GPBP1: variants seen among roughly 807,000 people sequenced by gnomAD.
The protein encoded by GPBP1 is vasculin.
GPBP1 carries 13 observed loss-of-function variants against 56.5 expected under a neutral mutation model. That is an observed-to-expected ratio of 0.23 (90% CI 0.15 to 0.37). GPBP1 has a LOEUF of 0.37. Ranked by LOEUF, GPBP1 falls within the 10% of genes least tolerant of loss-of-function variation. The probability of loss-of-function intolerance (pLI) is 1.00; values close to 1 mark genes in which losing one functional copy is unlikely to be tolerated. For synonymous variants in GPBP1, 204 were observed against 188.9 expected, an observed-to-expected ratio of 1.08 and a Z score of -0.66; for missense variants, 477 against 572.3, an observed-to-expected ratio of 0.83 and a Z score of 1.70.
At chr5:57,231,547 A>G (rs1270251265) in intron 5 of GPBP1, among the ~76,000 whole-genome samples, 1 of 152,204 alleles carries the variant, frequency 6.6e-6, no homozygotes, top group Non-Finnish European at 1.5e-5. Flanking sequence ...TGCTGGGATT[A>G]CAGCCACTGT....
At chr5:57,259,343 A>T (rs1741794310) in intron 10 of GPBP1, among the ~76,000 whole-genome samples, 1 of 152,240 alleles carries the variant, frequency 6.6e-6, no homozygotes, top group South Asian at 2.1e-4. Context: ...CTCTGAAAAA[A>T]GGTCTAAAAG....
intron 3 of GPBP1, among the ~76,000 whole-genome samples, chr5:57,223,271 A>G (rs764852014): frequency 2.6e-5 from 4 of 152,002 alleles, no homozygotes; most frequent in African/African-American, 4.8e-5. Flanking sequence ...TTGTATTTTT[A>G]GTAGAGACAG....
chr5:57,229,941 G>GCGTCC (rs112231997), intron 3 of GPBP1, among the ~76,000 whole-genome samples: 44,758 of 146,018 alleles, frequency 0.31, 7,805 homozygotes, highest in East Asian at 0.81. Flanking sequence ...GCATCGCATC[G>GCGTCC]CGTCCCGTCC....
intron 2 of GPBP1, among the ~76,000 whole-genome samples, chr5:57,200,333 T>G (rs958954447): frequency 1.3e-5 from 2 of 151,652 alleles, no homozygotes; most frequent in African/African-American, 2.4e-5. Context: ...GCATTGTAGT[T>G]TTTGTGTCTT....
At chr5:57,241,401 CAA>C (rs1740820060) in intron 6 of GPBP1, among the ~76,000 whole-genome samples, 1 of 152,094 alleles carries the variant, frequency 6.6e-6, no homozygotes, top group South Asian at 2.1e-4. Flanking sequence ...GCATGAATAA[CAA>C]GACAATAAAA....
chr5:57,246,402 T>A lies in GPBP1; in HGVS notation c.581T>A (p.Leu194His). 1 of 1,614,014 alleles carries A rather than the reference T, an allele frequency of 6.2e-7. No homozygotes were observed. Among genetic ancestry groups the A allele is most frequent in the Non-Finnish European group, 8.5e-7 (1 of 1,179,910 alleles). Residue 194 changes from leucine to histidine, a missense_variant, in exon 7 of 12, where the codon CTT (leucine) becomes CAT (histidine). This residue lies in a region of GPBP1 where 414 missense variants were observed against 458.2 expected (regional missense o/e 0.90). Coordinates refer to ENST00000506184, the MANE Select transcript of GPBP1 (RefSeq NM_022913.4). ...TCTGGATTCCCAGTAGTAGGAAATC[T>A]TCCGTCACAGCCAGTTAAGAATGGA... The part of the protein sequence containing the change: ...QLSGFPVVGN[L>H]PSQPVKNGTG...
intron 6 of GPBP1, among the ~76,000 whole-genome samples, chr5:57,239,988 C>T (rs964415961): frequency 1.3e-5 from 2 of 150,968 alleles, no homozygotes; most frequent in African/African-American, 4.9e-5. Flanking sequence ...TTGCTGGGTG[C>T]AGTGGCTCAT....
rs1755451584 is a variant in GPBP1, at chr5:57,210,972, GC to G, written c.-57-3101del. Among the ~76,000 whole-genome samples, 3 of 152,088 alleles carry G rather than the reference GC, an allele frequency of 2.0e-5. No homozygotes were observed. In the South Asian group the frequency reaches 6.2e-4, roughly 32 times the overall value. ...TATTGCTACATTTGAGGTATTGGGG[GC>G]TATGACTTCAACATACAAATCTTGT... On this transcript the variant is annotated intron_variant, in intron 2 of 11. Transcript: ENST00000506184.
chr5:57,205,166 C>G (rs576185359), intron 2 of GPBP1, among the ~76,000 whole-genome samples: 1 of 152,298 alleles, frequency 6.6e-6, no homozygotes, highest in South Asian at 2.1e-4. Flanking sequence ...TATGAATTTA[C>G]CTCTTATGAA....
chr5:57,206,692 G>C (rs1407170653), intron 2 of GPBP1, among the ~76,000 whole-genome samples: 1 of 142,262 alleles, frequency 7.0e-6, no homozygotes, highest in Non-Finnish European at 1.6e-5. Flanking sequence ...TTTTGTATAT[G>C]GTTTGGGTAG....
intron 7 of GPBP1, 58 bp downstream of exon 7, chr5:57,246,542 T>C: frequency 7.3e-7 from 1 of 1,373,132 alleles, no homozygotes; most frequent in South Asian, 1.3e-5. Flanking sequence ...TTATGTCCTA[T>C]GGGGGGAAAT....
chr5:57,237,173 G>A (rs1756694000), intron 6 of GPBP1: 1 of 1,541,714 alleles, frequency 6.5e-7, no homozygotes. Flanking sequence ...CCTCTCTTAG[G>A]TATGTTTCCT....
At chr5:57,242,399 T>TA (rs1740874230) in intron 6 of GPBP1, among the ~76,000 whole-genome samples, 1 of 152,234 alleles carries the variant, frequency 6.6e-6, no homozygotes, top group Admixed American at 6.5e-5. Context: ...AAGTAACTTA[T>TA]ATAAGATTAT....
rs1755608869 is a variant in GPBP1 at position 57,214,191 on chromosome 5, A to G, written c.61A>G (p.Lys21Glu). ...TTTCCCTACTCCACCATCATCAACA[A>G]AGGTACTCTTTCTGCATCTTTCTTT... ...LNFPTPPSST[K>E]SSLNFEKHSE... The change falls in exon 3 of 12, where the codon AAG (lysine) becomes GAG (glutamate). Residue 21 changes from lysine to glutamate, a missense_variant and splice_region_variant. Lys to Glu is a moderately conservative substitution (Grantham distance 56, BLOSUM62 1). Coordinates refer to ENST00000506184, the MANE Select transcript of GPBP1 (RefSeq NM_022913.4). The G allele has an allele frequency of 6.2e-7, 1 of 1,610,552 alleles. No homozygotes were observed.
chr5:57,190,655 G>A (rs1274408336), intron 2 of GPBP1, among the ~76,000 whole-genome samples: 1 of 131,438 alleles, frequency 7.6e-6, no homozygotes, highest in African/African-American at 2.8e-5. Flanking sequence ...TGAGCTTTTT[G>A]TCTGCTAGAT....
chr5:57,178,598 T>G (rs1421766835), intron 2 of GPBP1, among the ~76,000 whole-genome samples: 1 of 152,218 alleles, frequency 6.6e-6, no homozygotes, highest in Non-Finnish European at 1.5e-5. Flanking sequence ...GCAGTAGTGT[T>G]AGGATAAAGA....
intron 10 of GPBP1, among the ~76,000 whole-genome samples, chr5:57,255,849 G>A (rs1026845467): frequency 3.3e-4 from 50 of 152,266 alleles, no homozygotes; most frequent in African/African-American, 1.2e-3. Flanking sequence ...CTTTCATTTA[G>A]GAAGACTTGT....
chr5:57,208,112 G>C (rs535402227), intron 2 of GPBP1, among the ~76,000 whole-genome samples: 3 of 152,042 alleles, frequency 2.0e-5, no homozygotes, highest in Non-Finnish European at 4.4e-5. Flanking sequence ...TGGAGCCCTC[G>C]CGAGGGACCA....
chr5:57,222,513 A>G (rs1168711229), intron 3 of GPBP1, among the ~76,000 whole-genome samples: 5 of 152,198 alleles, frequency 3.3e-5, no homozygotes, highest in Non-Finnish European at 7.3e-5. Context: ...GAAACATGAA[A>G]TAACTGTTTT....
Sources: gnomAD v4.1 joint callset for allele counts (sites outside exome capture counted in the v4.1 genomes callset) on GRCh38, gnomAD v4.1.1 for gene constraint, gnomAD v4.1.1 regional missense constraint, MANE v1.5 for transcripts, NCBI Gene and HGNC (gene_info 2026-07-23, HGNC 2026-07-21) for gene names.